Variants in ADAMTSL3 observed in about 807,000 individuals in gnomAD.
ADAMTSL3 encodes the protein ADAMTS like 3.
In ADAMTSL3, 128 loss-of-function variants were observed where a neutral mutation model predicts 201.7. The ratio of observed to expected loss-of-function variants is 0.63; its 90% CI spans 0.55 to 0.73. The LOEUF (loss-of-function observed/expected upper bound fraction) is 0.73, where lower values mean the gene tolerates loss of function less well. Among genes scored for constraint, ADAMTSL3 ranks in the 30% least tolerant of loss-of-function variants. The pLI, the probability that ADAMTSL3 is intolerant of heterozygous loss-of-function variation, is 0.00. For synonymous variants in ADAMTSL3, 738 were observed against 748.4 expected, an observed-to-expected ratio of 0.99 and a Z score of 0.23; for missense variants, 1,990 against 2,119.6, an observed-to-expected ratio of 0.94 and a Z score of 1.20.
Position 83,780,759 on chromosome 15 carries a change from G to A in ADAMTSL3, c.317+7109G>A, listed in dbSNP as rs2063155614. On this transcript the variant is annotated intron_variant, in intron 4 of 29. Transcript: ENST00000286744. ...TCCCTAAGCTGATAACTTCAGCAAA[G>A]TCTCAGGATACAAAATCAATGTGCA... is the stretch of plus-strand genomic sequence containing the variant. Among the ~76,000 whole-genome samples, 3 of 152,176 alleles carry A rather than the reference G, an allele frequency of 2.0e-5. No individual in the cohort carries two copies. In the South Asian group the frequency reaches 6.2e-4, roughly 32 times the overall value.
intron 8 of ADAMTSL3, among the ~76,000 whole-genome samples, chr15:83,868,216 C>A (rs763108982): frequency 6.6e-6 from 1 of 152,108 alleles, no homozygotes; most frequent in Non-Finnish European, 1.5e-5. Flanking sequence ...CTCTGAGAAC[C>A]GAAGGGCTTG....
rs199676880 is a variant in ADAMTSL3, at chr15:83,936,196, AGATT to A, written c.2118-6395_2118-6392del. Reference sequence around the variant, plus strand: ...CAACAAAACCTTGTAAAACTCAGAGAGATTGATTAATTAAAGTGCTTTAGGCCCT... The same window carrying A: ...CAACAAAACCTTGTAAAACTCAGAGAGATTAATTAAAGTGCTTTAGGCCCT... On this transcript the variant is annotated intron_variant, in intron 17 of 29. Transcript: ENST00000286744. 1.2e-3 allele frequency among the ~76,000 whole-genome samples: 179 copies of A among 152,072 alleles called. 2 individuals carry two copies. The East Asian group carries it at 0.03, about 25-fold the overall frequency.
At chr15:83,744,521 G>A (rs2062512060) in intron 3 of ADAMTSL3, among the ~76,000 whole-genome samples, 1 of 152,154 alleles carries the variant, frequency 6.6e-6, no homozygotes, top group Non-Finnish European at 1.5e-5. Context: ...ACAACATGAT[G>A]TTTTGAAATA....
chr15:83,872,968 G>C (rs2065110195), intron 9 of ADAMTSL3, among the ~76,000 whole-genome samples: 1 of 145,430 alleles, frequency 6.9e-6, no homozygotes, highest in Admixed American at 6.7e-5. Flanking sequence ...TATTTTAGAG[G>C]GGATAACATT....
chr15:83,932,082 C>G (rs749656883), intron 17 of ADAMTSL3, among the ~76,000 whole-genome samples: 6 of 152,128 alleles, frequency 3.9e-5, no homozygotes, highest in Non-Finnish European at 8.8e-5. Context: ...AGATTAACTA[C>G]AAACAACTTA....
chr15:84,019,560 A>G (rs922013629), intron 25 of ADAMTSL3, among the ~76,000 whole-genome samples: 5 of 152,322 alleles, frequency 3.3e-5, no homozygotes, highest in African/African-American at 9.6e-5. Flanking sequence ...GATATGCACA[A>G]TGATATGAGT....
At chr15:83,716,931 T>C (rs1343577928) in intron 3 of ADAMTSL3, among the ~76,000 whole-genome samples, 1 of 152,234 alleles carries the variant, frequency 6.6e-6, no homozygotes, top group Non-Finnish European at 1.5e-5. Context: ...AATTTTTCTT[T>C]ATAATTGGGA....
intron 17 of ADAMTSL3, among the ~76,000 whole-genome samples, chr15:83,930,343 G>T (rs1302480215): frequency 6.6e-6 from 1 of 152,158 alleles, no homozygotes; most frequent in African/African-American, 2.4e-5. Context: ...CGTGCTTGGG[G>T]TTTTAGTTCT....
Position 83,857,430 on chromosome 15 carries a change from A to G in ADAMTSL3, c.728-1336A>G, listed in dbSNP as rs534938029. On this transcript the variant is annotated intron_variant, in intron 7 of 29. Transcript: ENST00000286744. Reference sequence around the variant, plus strand: ...CTTTTTTAAAGTCTTCAATGTGTATATTGGCAGGCTTTCCACGTTAGGTCA... The same window carrying G: ...CTTTTTTAAAGTCTTCAATGTGTATGTTGGCAGGCTTTCCACGTTAGGTCA... Among the ~76,000 whole-genome samples, 191 of 152,224 alleles carry G rather than the reference A, an allele frequency of 1.3e-3. 9 individuals are homozygous for G. The South Asian group carries it at 0.037, about 29-fold the overall frequency.
In ADAMTSL3 at chr15:83,714,907, T is replaced by C. The variant is rs188226433; in HGVS notation, c.189+10399T>C. 1.9e-3 allele frequency among the ~76,000 whole-genome samples: 170 copies of C among 89,352 alleles called. 3 individuals carry two copies. The highest frequency in any genetic ancestry group is 7.6e-3 in the African/African-American group (156 of 20,500). The allele number at this position is 89,352 out of a possible 152,430, so 58.6% of individuals were successfully genotyped here. A position where few individuals can be genotyped will look rare whatever the true frequency, so the allele number is the denominator to read the frequency against. On this transcript the variant is annotated intron_variant, in intron 3 of 29. Transcript: ENST00000286744. ...CTTCCTTCCTTCCTTCCTTCCTTCC[T>C]TCCTTCCTTCCTTCCTTCCTTCCTT...
chr15:83,904,770 G>A (rs1365996825), intron 15 of ADAMTSL3, among the ~76,000 whole-genome samples: 2 of 152,168 alleles, frequency 1.3e-5, no homozygotes, highest in Non-Finnish European at 2.9e-5. Flanking sequence ...CAAACTTGTT[G>A]CCCTCGCTGT....
At chr15:83,954,323 C>T (rs1159151862) in intron 19 of ADAMTSL3, among the ~76,000 whole-genome samples, 1 of 152,194 alleles carries the variant, frequency 6.6e-6, no homozygotes, top group East Asian at 1.9e-4. Context: ...CCAAGAGACT[C>T]TGATACATTC....
chr15:83,989,266 A>G (rs1217561129), intron 22 of ADAMTSL3, among the ~76,000 whole-genome samples: 8 of 152,224 alleles, frequency 5.3e-5, no homozygotes, highest in Admixed American at 4.6e-4. Flanking sequence ...GTTAAAATAC[A>G]GATTGCTGGA....
chr15:83,894,628 C>A (rs1434438369), intron 13 of ADAMTSL3, among the ~76,000 whole-genome samples: 1 of 152,150 alleles, frequency 6.6e-6, no homozygotes, highest in Non-Finnish European at 1.5e-5. Context: ...ACTCTCCCCA[C>A]AGAATTTTAT....
intron 9 of ADAMTSL3, among the ~76,000 whole-genome samples, chr15:83,874,947 G>A (rs572786873): frequency 6.9e-6 from 1 of 145,546 alleles, no homozygotes; most frequent in South Asian, 2.1e-4. Flanking sequence ...TCTCAGCGAG[G>A]AAACCTCAGA....
intron 4 of ADAMTSL3, among the ~76,000 whole-genome samples, chr15:83,775,511 A>G (rs1367763980): frequency 6.6e-6 from 1 of 152,164 alleles, no homozygotes; most frequent in Non-Finnish European, 1.5e-5. Flanking sequence ...CTTGGAACAT[A>G]ATTTTGCCAA....
rs2064480620 is a variant in ADAMTSL3 at position 83,845,582 on chromosome 15, A to G, written c.727+7367A>G. Among the ~76,000 whole-genome samples the G allele has an allele frequency of 2.0e-5, 3 of 152,206 alleles. No individual in the cohort carries two copies. In the South Asian group the frequency reaches 6.2e-4, roughly 31 times the overall value. On this transcript the variant is annotated intron_variant, in intron 7 of 29. Transcript: ENST00000286744. The stretch of plus-strand genomic sequence containing the variant: ...TGCACAGTGAGCATGGACAATTTAT[A>G]AGAAATCTTCTAGCTCTGAAAATCT...
rs148277903 is a variant in ADAMTSL3, at chr15:83,704,350, C to G, written c.70-39C>G. ...GACTTTACCTGTCAGGGGGTCCTTA[C>G]TGGAGCCTTATTTGTGACCAAATGA... is the stretch of plus-strand genomic sequence containing the variant. On this transcript the variant is annotated intron_variant, in intron 2 of 29. Transcript: ENST00000286744. 5,832 of 1,613,782 alleles carry G rather than the reference C, an allele frequency of 3.6e-3. 16 individuals carry two copies. The highest frequency in any genetic ancestry group is 4.1e-3 in the Non-Finnish European group (4,869 of 1,179,802).
intron 16 of ADAMTSL3, among the ~76,000 whole-genome samples, chr15:83,914,783 C>A (rs745630335): frequency 2.6e-5 from 4 of 152,248 alleles, no homozygotes; most frequent in Non-Finnish European, 5.9e-5. Flanking sequence ...AGCCAAACTC[C>A]TGCCTGCTCT....
Sources: allele counts gnomAD v4.1 joint callset (sites outside exome capture counted in the v4.1 genomes callset), GRCh38; gene constraint gnomAD v4.1.1; transcripts MANE v1.5; gene names NCBI Gene and HGNC (gene_info 2026-07-23, HGNC 2026-07-21).